TFPI2: variants seen among roughly 807,000 people sequenced by gnomAD.
The protein encoded by TFPI2 is placental protein 5.
A neutral mutation model predicts 23.1 loss-of-function variants in TFPI2; 23 were observed. The observed-to-expected ratio is 1.00, with a 90% CI of 0.72 to 1.41. TFPI2 has a LOEUF of 1.41. TFPI2 is among the 40% of genes most tolerant of loss of function. The pLI, the probability that TFPI2 is intolerant of heterozygous loss-of-function variation, is 0.00. For missense variants in TFPI2, 291 were observed against 299.6 expected (o/e 0.97, Z 0.21); for synonymous variants, 119 against 111.7 (o/e 1.07, Z -0.41).
Position 93,887,417 on chromosome 7 carries a change from A to G in TFPI2, c.475T>C (p.Tyr159His). ...CACAGTCCCTCATCTTTTGGACTGT[A>G]GCAAAATGATGGAACTTTATAAAAA... ...CAPKKIPSFCYSPKDEGLCSA... is the reference protein window; with the variant it reads ...CAPKKIPSFCHSPKDEGLCSA... Residue 159 changes from tyrosine to histidine, a missense_variant, in exon 4 of 5, where the codon TAC becomes CAC. Physicochemically the swap from Tyr to His is moderately conservative, Grantham distance 83 (BLOSUM62 2). Transcript: ENST00000222543. 1 of 1,606,450 alleles carries G rather than the reference A, an allele frequency of 6.2e-7. No individual in the cohort carries two copies.
At chr7:93,888,911 C>T (rs1027938533) in intron 3 of TFPI2, 124 bp downstream of exon 3, 12 of 921,946 alleles carry the variant, frequency 1.3e-5, no homozygotes, top group Non-Finnish European at 1.9e-5. Flanking sequence ...TGACAAGTCA[C>T]TAACTTGTCA....
At chr7:93,887,558 C>A in intron 3 of TFPI2, 127 bp from the exon 4 acceptor site, 1 of 683,788 alleles carries the variant, frequency 1.5e-6, no homozygotes, top group South Asian at 2.2e-5. Context: ...AAATATCATA[C>A]TAAACCTTTA....
intron 1 of TFPI2, 62 bp from the exon 2 acceptor site, chr7:93,890,381 G>C: frequency 6.5e-7 from 1 of 1,539,610 alleles, no homozygotes; most frequent in Non-Finnish European, 8.8e-7. Context: ...GCTCCTAGGA[G>C]GAAAGAACAT....
At position 93,890,524 on chromosome 7, in the gene TFPI2, G is replaced by T. The variant is rs368731247; in HGVS notation, c.88+67C>A. 3.0e-4 allele frequency: 460 copies of T among 1,532,882 alleles called. No homozygotes were observed. The African/African-American group carries it at 5.1e-3, about 17-fold the overall frequency. 95.0% of individuals were successfully genotyped at this position (1,532,882 alleles called of 1,614,324 possible). ...AGCGAGGCTTGGAGGGCGCCTACAC[G>T]GGGCCCCATGGCCCGCTGCGCCCTC... is the stretch of plus-strand genomic sequence containing the variant. On this transcript the variant is annotated intron_variant, in intron 1 of 4. Transcript: ENST00000222543.
In TFPI2 at chr7:93,890,637, A is replaced by G; in HGVS notation, c.42T>C (p.Leu14=). Residue 14 remains leucine, a synonymous_variant, in exon 1 of 5, where the codon CTT becomes CTC. Coordinates refer to ENST00000222543, the MANE Select transcript of TFPI2 (RefSeq NM_006528.4). The part of the protein sequence containing the change: ...ARPLGLSILL[L]FLTEAALGDA... ...CGCCCAGTGCAGCCTCCGTCAGGAA[A>G]AGCAGCAGAATCGACAGCCCCAGGG... The G allele has an allele frequency of 6.2e-7, 1 of 1,613,398 alleles. No individual in the cohort carries two copies. The highest frequency in any genetic ancestry group is 8.5e-7 in the Non-Finnish European group (1 of 1,179,804).
At chr7:93,888,664 GAA>G (rs35683220) in intron 3 of TFPI2, among the ~76,000 whole-genome samples, 78 of 141,234 alleles carry the variant, frequency 5.5e-4, no homozygotes, top group South Asian at 1.4e-3. Flanking sequence ...AGAGAAAGAA[GAA>G]AAAAAAAAAA....
In TFPI2 at chr7:93,885,677, C is replaced by T. The variant is rs575712130; in HGVS notation, c.*1143G>A. The T allele has an allele frequency of 1.3e-5, 2 of 152,112 alleles. No individual in the cohort carries two copies. The highest frequency in any genetic ancestry group is 4.8e-5 in the African/African-American group (2 of 41,542). The allele number at this position is 152,112 out of a possible 1,614,324, so 9.4% of individuals were successfully genotyped here. Reference sequence around the variant, plus strand: ...ATATATAGATATTTTGCTAACTCCTCATCCATAAAATCTTCAACCAGTCCC... The same window carrying T: ...ATATATAGATATTTTGCTAACTCCTTATCCATAAAATCTTCAACCAGTCCC... On this transcript the variant is annotated 3_prime_UTR_variant, in exon 5 of 5. Coordinates refer to ENST00000222543, the MANE Select transcript of TFPI2 (RefSeq NM_006528.4).
intron 3 of TFPI2, 51 bp from the exon 4 acceptor site, chr7:93,887,482 A>G: frequency 3.4e-6 from 5 of 1,463,322 alleles, no homozygotes; most frequent in Non-Finnish European, 4.7e-6. Flanking sequence ...CAGAATTTTT[A>G]AATTATGGTG....
rs747674325 is a variant in TFPI2, at chr7:93,890,234, C to A, written c.174G>T (p.Thr58=). Residue 58 remains threonine, a synonymous_variant, in exon 2 of 5, where the codon ACG becomes ACT. Coordinates refer to ENST00000222543, the MANE Select transcript of TFPI2 (RefSeq NM_006528.4). ...LLLRYYYDRY[T]QSCRQFLYGG... Reference sequence around the variant, plus strand: ...CGTACAGGAACTGGCGGCAGCTCTGCGTGTACCTGTCGTAGTAGTAACGGA... The same window carrying A: ...CGTACAGGAACTGGCGGCAGCTCTGAGTGTACCTGTCGTAGTAGTAACGGA... 1 of 1,613,998 alleles carries A rather than the reference C, an allele frequency of 6.2e-7. No homozygotes were observed. The highest frequency in any genetic ancestry group is 8.5e-7 in the Non-Finnish European group (1 of 1,179,886).
Position 93,886,877 on chromosome 7 carries a change from C to T in TFPI2, c.651G>A (p.Lys217=). Residue 217 remains lysine, a synonymous_variant, in exon 5 of 5, where the codon AAG becomes AAA. Coordinates refer to ENST00000222543, the MANE Select transcript of TFPI2 (RefSeq NM_006528.4). ...TACTGGCAAAGCGAAGCTTTGGCAT[C>T]TTCTTTTTCTTTTTCAAAGCTAAAA... ...ACAKALKKKK[K]MPKLRFASRI... 1 of 1,547,486 alleles carries T rather than the reference C, an allele frequency of 6.5e-7. No individual in the cohort carries two copies. The highest frequency in any genetic ancestry group is 8.6e-7 in the Non-Finnish European group (1 of 1,161,574).
In TFPI2 at chr7:93,887,259, A is replaced by G. The variant is rs1794011764; in HGVS notation, c.631+2T>C. 2.5e-6 allele frequency: 4 copies of G among 1,603,582 alleles called. No individual in the cohort carries two copies. The highest frequency in any genetic ancestry group is 3.4e-6 in the Non-Finnish European group (4 of 1,176,064). On this transcript the variant is annotated splice_donor_variant, in intron 4 of 4. Transcript: ENST00000222543. LOFTEE classifies it high-confidence loss of function. ...AAGGTGGAATAAGAAAACATTCACT[A>G]CCTTTTGCACATGCACGTTTGCAAT...
In TFPI2 at chr7:93,887,450, A is replaced by C; in HGVS notation, c.461-19T>G. 6.3e-7 allele frequency: 1 copy of C among 1,593,726 alleles called. No homozygotes were observed. Among genetic ancestry groups the C allele is most frequent in the South Asian group, 1.1e-5 (1 of 87,138 alleles). On this transcript the variant is annotated intron_variant, in intron 3 of 4. Transcript: ENST00000222543. Reference sequence around the variant, plus strand: ...GATGGAACTTTATAAAAAAGAGAAGAAAATTAGAAATGTTATAATACCAGA... The same window carrying C: ...GATGGAACTTTATAAAAAAGAGAAGCAAATTAGAAATGTTATAATACCAGA...
intron 2 of TFPI2, 159 bp downstream of exon 2, chr7:93,889,978 A>T: frequency 1.5e-6 from 1 of 673,672 alleles, no homozygotes; most frequent in East Asian, 3.0e-5. Context: ...TAAATTTGTG[A>T]TTACTTTTAA....
At position 93,890,156 on chromosome 7, in the gene TFPI2, A is replaced by G. The variant is rs768174690; in HGVS notation, c.252T>C (p.Asp84=). The G allele has an allele frequency of 1.2e-6, 2 of 1,608,784 alleles. No homozygotes were observed. Among genetic ancestry groups the G allele is most frequent in the Admixed American group, 3.3e-5 (2 of 59,798 alleles). The change falls in exon 2 of 5, where the codon GAT becomes GAC. Residue 84 remains aspartate (D), a synonymous_variant. Transcript: ENST00000222543. ...NNFYTWEACD[D]ACWRIEKVPK... is the part of the protein sequence containing the mutation. ...ACTTACTTTCTATCCTCCAGCAAGC[A>G]TCGTCGCAAGCCTCCCAGGTGTAGA...
At chr7:93,888,324 T>A (rs1794036026) in intron 3 of TFPI2, among the ~76,000 whole-genome samples, 1 of 152,084 alleles carries the variant, frequency 6.6e-6, no homozygotes, top group African/African-American at 2.4e-5. Context: ...AATACTTTAA[T>A]CTTTTATGCA....
Position 93,886,876 on chromosome 7 carries a change from T to C in TFPI2, c.652A>G (p.Met218Val). The C allele has an allele frequency of 6.5e-7, 1 of 1,548,464 alleles. No individual in the cohort carries two copies. Among genetic ancestry groups the C allele is most frequent in the Non-Finnish European group, 8.6e-7 (1 of 1,162,074 alleles). The change falls in exon 5 of 5, where the codon ATG (methionine) becomes GTG (valine). Residue 218 changes from methionine to valine, a missense_variant. Met to Val is a conservative substitution (Grantham distance 21). Transcript: ENST00000222543. ...CAKALKKKKK[M>V]PKLRFASRIR... The stretch of plus-strand genomic sequence containing the variant: ...CTACTGGCAAAGCGAAGCTTTGGCA[T>C]CTTCTTTTTCTTTTTCAAAGCTAAA...
At chr7:93,889,895 C>T (rs903589764) in intron 2 of TFPI2, 1 of 413,026 alleles carries the variant, frequency 2.4e-6, no homozygotes, top group Admixed American at 4.2e-5. Context: ...GGGAACAAAT[C>T]TTTCCCTGAG....
chr7:93,889,877 C>A, intron 2 of TFPI2: 1 of 375,398 alleles, frequency 2.7e-6, no homozygotes, highest in Non-Finnish European at 4.8e-6. Flanking sequence ...TATTATACCC[C>A]ATGGTGAGGG....
Position 93,890,682 on chromosome 7 carries a change from G to T in TFPI2, c.-4C>A, listed in dbSNP as rs183397450. 84 of 1,607,740 alleles carry T rather than the reference G, an allele frequency of 5.2e-5. No homozygotes were observed. Among genetic ancestry groups the T allele is most frequent in the Non-Finnish European group, 1.0e-5 (12 of 1,177,882 alleles). The stretch of plus-strand genomic sequence containing the variant: ...CCAGGGGGCGAGCGGGGTCCATGGT[G>T]CAGGGGGTCGGGCGGCCCGCTGGGC... On this transcript the variant is annotated 5_prime_UTR_variant, in exon 1 of 5. Coordinates refer to ENST00000222543, the MANE Select transcript of TFPI2 (RefSeq NM_006528.4).
Sources: allele counts gnomAD v4.1 joint callset (sites outside exome capture counted in the v4.1 genomes callset), GRCh38; gene constraint gnomAD v4.1.1; transcripts MANE v1.5; gene names NCBI Gene and HGNC (gene_info 2026-07-23, HGNC 2026-07-21).